Variants in ITCH observed in about 807,000 individuals in gnomAD.
ITCH encodes the protein E3 ubiquitin-protein ligase Itchy homolog.
In ITCH, 28 loss-of-function variants were observed where a neutral mutation model predicts 126.8. The ratio of observed to expected loss-of-function variants is 0.22; its 90% CI spans 0.16 to 0.30. The LOEUF (loss-of-function observed/expected upper bound fraction) is 0.30, where lower values mean the gene tolerates loss of function less well. Ranked by LOEUF, ITCH falls within the 10% of genes least tolerant of loss-of-function variation. ITCH has a pLI of 1.00. For synonymous variants in ITCH, 342 were observed against 340.0 expected, an observed-to-expected ratio of 1.01 and a Z score of -0.06; for missense variants, 631 against 1,032.4, an observed-to-expected ratio of 0.61 and a Z score of 5.33.
intron 7 of ITCH, 142 bp from the exon 8 acceptor site, chr20:34,438,332 A>G: frequency 3.7e-6 from 3 of 808,680 alleles, no homozygotes; most frequent in Admixed American, 2.4e-5. Flanking sequence ...TATGTATTTA[A>G]TAAGGCTGAC....
At chr20:34,451,522 A>G (rs1985247305) in intron 12 of ITCH, among the ~76,000 whole-genome samples, 1 of 152,152 alleles carries the variant, frequency 6.6e-6, no homozygotes, top group Non-Finnish European at 1.5e-5. Context: ...GCCTGGAGTT[A>G]AGGAGTCCTC....
At chr20:34,440,935 G>A (rs1276760981) in intron 9 of ITCH, among the ~76,000 whole-genome samples, 1 of 151,886 alleles carries the variant, frequency 6.6e-6, no homozygotes, top group Admixed American at 6.6e-5. Context: ...TCTTTAAGGG[G>A]GAAAAAATCC....
chr20:34,488,089 A>G (rs1206430577), intron 20 of ITCH, among the ~76,000 whole-genome samples: 2 of 152,096 alleles, frequency 1.3e-5, no homozygotes, highest in Non-Finnish European at 2.9e-5. Context: ...TATTTTCAAA[A>G]ATAATCTTAT....
At position 34,507,825 on chromosome 20, in the gene ITCH, G is replaced by T. The variant is rs765984801; in HGVS notation, c.*31G>T. ...GAGAACTTGCACCATGAATGGGCAA[G>T]AACTTATTTGCAATGTTTGTCCTTC... On this transcript the variant is annotated 3_prime_UTR_variant, in exon 25 of 25. Transcript: ENST00000374864. 6.7e-7 allele frequency: 1 copy of T among 1,497,428 alleles called. No individual in the cohort carries two copies. The highest frequency in any genetic ancestry group is 1.1e-5 in the South Asian group (1 of 88,512). The allele number at this position is 1,497,428 out of a possible 1,614,324, so 92.8% of individuals were successfully genotyped here. A position where few individuals can be genotyped will look rare whatever the true frequency, so the allele number is the denominator to read the frequency against.
At chr20:34,403,617 C>T (rs1453127656) in intron 3 of ITCH, among the ~76,000 whole-genome samples, 1 of 152,092 alleles carries the variant, frequency 6.6e-6, no homozygotes, top group Non-Finnish European at 1.5e-5. Flanking sequence ...TCAAGAGGCT[C>T]ACGGGGTGAG....
chr20:34,405,229 G>A (rs6142159), intron 3 of ITCH, among the ~76,000 whole-genome samples: 78,454 of 151,274 alleles, frequency 0.52, 20,655 homozygotes, highest in Admixed American at 0.63. Flanking sequence ...ATCCAGCTGG[G>A]CACAGTGGCT....
intron 13 of ITCH, among the ~76,000 whole-genome samples, chr20:34,460,638 T>C (rs527834581): frequency 6.6e-6 from 1 of 152,178 alleles, no homozygotes; most frequent in East Asian, 1.9e-4. Flanking sequence ...AACCTAAAGT[T>C]TAGAGAGATT....
In ITCH at chr20:34,509,798, T is replaced by C. The variant is rs537215416; in HGVS notation, c.*2004T>C. On this transcript the variant is annotated 3_prime_UTR_variant, in exon 25 of 25. Transcript: ENST00000374864. ...CTTGGTAATATATGGCTAATGAAGA[T>C]TAAGCCCTCTATAAAGACTTCCTGT... is the stretch of plus-strand genomic sequence containing the variant. 7.2e-5 allele frequency: 11 copies of C among 152,746 alleles called. No homozygotes were observed. The South Asian group carries it at 2.3e-3, about 32-fold the overall frequency. 9.5% of individuals were successfully genotyped at this position (152,746 alleles called of 1,614,324 possible).
chr20:34,451,277 G>A (rs1484595495), intron 12 of ITCH, among the ~76,000 whole-genome samples: 3 of 149,460 alleles, frequency 2.0e-5, no homozygotes, highest in African/African-American at 5.0e-5. Context: ...GCGACAGAGC[G>A]AGACTCCGTC....
chr20:34,503,304 T>C (rs1162609516), intron 23 of ITCH, among the ~76,000 whole-genome samples: 2 of 152,170 alleles, frequency 1.3e-5, no homozygotes, highest in Admixed American at 6.5e-5. Flanking sequence ...CCCCTTCTAA[T>C]TAAAATATCT....
chr20:34,470,011 A>G, intron 14 of ITCH, 37 bp from the exon 15 acceptor site: 1 of 1,515,202 alleles, frequency 6.6e-7, no homozygotes, highest in Non-Finnish European at 9.2e-7. Flanking sequence ...TTTTACAAGC[A>G]GCTATATATG....
chr20:34,489,457 A>G (rs2146508297), intron 21 of ITCH, 71 bp downstream of exon 21: 1 of 1,408,794 alleles, frequency 7.1e-7, no homozygotes, highest in Non-Finnish European at 1.0e-6. Flanking sequence ...CTTTTAACTC[A>G]CTTTCCCATC....
chr20:34,461,333 A>G (rs1446496020), intron 13 of ITCH, among the ~76,000 whole-genome samples: 2 of 152,166 alleles, frequency 1.3e-5, no homozygotes, highest in African/African-American at 4.8e-5. Context: ...CTGTTTTAGG[A>G]TGATACTCTG....
intron 13 of ITCH, among the ~76,000 whole-genome samples, chr20:34,460,063 A>T (rs568262907): frequency 2.6e-5 from 4 of 152,230 alleles, no homozygotes; most frequent in African/African-American, 9.6e-5. Flanking sequence ...ATTTATTTTC[A>T]AGACAACAAC....
chr20:34,430,691 G>A (rs1982169197), intron 7 of ITCH, among the ~76,000 whole-genome samples: 1 of 152,078 alleles, frequency 6.6e-6, no homozygotes, highest in African/African-American at 2.4e-5. Flanking sequence ...CCAGGCTTGT[G>A]TCGAACTCCT....
intron 23 of ITCH, among the ~76,000 whole-genome samples, chr20:34,493,633 G>A (rs558821077): frequency 2.4e-4 from 36 of 152,282 alleles, no homozygotes; most frequent in African/African-American, 7.9e-4. Flanking sequence ...ATGGAACATG[G>A]AGCAATGGAG....
rs10667439 is a variant in ITCH at position 34,471,777 on chromosome 20, TTGTGTGTG to T, written c.1569+274_1569+281del. Among the ~76,000 whole-genome samples, 2 of 53,832 alleles carry T rather than the reference TTGTGTGTG, an allele frequency of 3.7e-5. 1 individual carries two copies. Among genetic ancestry groups the T allele is most frequent in the Admixed American group, 3.0e-4 (2 of 6,706 alleles). The allele number at this position is 53,832 out of a possible 152,430, so 35.3% of individuals were successfully genotyped here. On this transcript the variant is annotated intron_variant, in intron 16 of 24. Coordinates refer to ENST00000374864, the MANE Select transcript of ITCH (RefSeq NM_031483.7). ...TAAATGCATAGGTAAGATAATAGGTTTGTGTGTGTGTGTGTGTGTTTCAGGTTTCCATT... is the reference window on the plus strand; with the variant it reads ...TAAATGCATAGGTAAGATAATAGGTTTGTGTGTGTGTTTCAGGTTTCCATT...
intron 14 of ITCH, among the ~76,000 whole-genome samples, chr20:34,466,874 T>C (rs1987115184): frequency 6.6e-6 from 1 of 152,150 alleles, no homozygotes; most frequent in African/African-American, 2.4e-5. Flanking sequence ...GCTTTTACAT[T>C]CAGATGCTAG....
chr20:34,385,273 G>C (rs1166952562), intron 2 of ITCH, among the ~76,000 whole-genome samples: 4 of 140,628 alleles, frequency 2.8e-5, no homozygotes, highest in Non-Finnish European at 4.5e-5. Flanking sequence ...ATGTTGGCCA[G>C]GCTGGTCTCG....
Sources: gnomAD v4.1 joint callset for allele counts (sites outside exome capture counted in the v4.1 genomes callset) on GRCh38, gnomAD v4.1.1 for gene constraint, MANE v1.5 for transcripts, NCBI Gene and HGNC (gene_info 2026-07-23, HGNC 2026-07-21) for gene names.